The following PSMF1 variants were observed in gnomAD, a reference collection of about 807,000 sequenced individuals.
The protein encoded by PSMF1 is proteasome inhibitor subunit 1, also known as proteasome inhibitor PI31 subunit.
In PSMF1, 30 loss-of-function variants were observed where a neutral mutation model predicts 29.3. The observed-to-expected ratio is 1.02, with a 90% CI of 0.77 to 1.39. The LOEUF (loss-of-function observed/expected upper bound fraction) is 1.39. PSMF1 is among the 40% of genes most tolerant of loss of function. The pLI, the probability that PSMF1 is intolerant of heterozygous loss-of-function variation, is 0.00. For missense variants in PSMF1, 344 were observed against 357.5 expected, an observed-to-expected ratio of 0.96 and a Z score of 0.31; for synonymous variants, 134 against 139.7, an observed-to-expected ratio of 0.96 and a Z score of 0.29.
intron 2 of PSMF1, 171 bp downstream of exon 2, chr20:1,125,821 C>T (rs965233153): frequency 8.9e-6 from 8 of 901,602 alleles, no homozygotes; most frequent in Admixed American, 8.1e-5. Context: ...AGAAAACCTT[C>T]GTGCACAAAG....
At chr20:1,127,300 TTA>T (rs763211291) in intron 2 of PSMF1, 124 bp from the exon 3 acceptor site, 1 of 813,282 alleles carries the variant, frequency 1.2e-6, no homozygotes, top group Non-Finnish European at 2.2e-6. Context: ...TAAACAGTCC[TTA>T]TATATGTCTC....
upstream of PSMF1, among the ~76,000 whole-genome samples, chr20:1,115,135 G>A (rs1344460777): frequency 6.7e-5 from 8 of 118,796 alleles, no homozygotes; most frequent in Admixed American, 1.8e-4. Context: ...TGGGGGTGAC[G>A]GAGCTGTCTG....
At chr20:1,161,319 A>G in intron 4 of PSMF1, 1 of 321,710 alleles carries the variant, frequency 3.1e-6, no homozygotes, top group East Asian at 6.9e-5. Flanking sequence ...GGTGATCACC[A>G]TTGGCAACAT....
At chr20:1,128,555 A>G (rs1212521029) in intron 3 of PSMF1, among the ~76,000 whole-genome samples, 1 of 152,220 alleles carries the variant, frequency 6.6e-6, no homozygotes, top group East Asian at 1.9e-4. Flanking sequence ...ACTATGTTCC[A>G]CAAAAGATGT....
At chr20:1,136,012 G>A (rs1229660337) in intron 4 of PSMF1, among the ~76,000 whole-genome samples, 1 of 152,182 alleles carries the variant, frequency 6.6e-6, no homozygotes, top group Non-Finnish European at 1.5e-5. Flanking sequence ...ACATGAATAA[G>A]CACTTAATAA....
At chr20:1,129,480 T>A (rs923175765) in intron 3 of PSMF1, among the ~76,000 whole-genome samples, 2 of 152,202 alleles carry the variant, frequency 1.3e-5, no homozygotes, top group Non-Finnish European at 2.9e-5. Flanking sequence ...TCATTTCTCC[T>A]CCCCTCTTCC....
rs761218323 is a variant in PSMF1, at chr20:1,166,918, T to C, written c.*1838T>C. The C allele has an allele frequency of 2.0e-5, 3 of 152,192 alleles. No homozygotes were observed. The highest frequency in any genetic ancestry group is 4.4e-5 in the Non-Finnish European group (3 of 68,040). The allele number at this position is 152,192 out of a possible 1,614,324, so 9.4% of individuals were successfully genotyped here. On this transcript the variant is annotated 3_prime_UTR_variant, in exon 7 of 7. Coordinates refer to ENST00000335877, the MANE Select transcript of PSMF1 (RefSeq NM_006814.5). ...GACCATCAGATAGAAGCAGGGAAGG[T>C]AGATAACTTTTAGGACCTTGATGTG...
chr20:1,143,570 T>C (rs1035997389), intron 4 of PSMF1, among the ~76,000 whole-genome samples: 1 of 152,194 alleles, frequency 6.6e-6, no homozygotes, highest in African/African-American at 2.4e-5. Flanking sequence ...TCAGGCTTGG[T>C]GAAGAGTTCT....
intron 4 of PSMF1, among the ~76,000 whole-genome samples, chr20:1,148,430 T>C (rs1252830043): frequency 6.8e-6 from 1 of 146,150 alleles, no homozygotes; most frequent in African/African-American, 2.5e-5. Context: ...TCCTGCTCCA[T>C]GTTTTGTAAA....
intron 1 of PSMF1, among the ~76,000 whole-genome samples, chr20:1,124,767 A>G (rs1387585534): frequency 2.6e-5 from 4 of 152,276 alleles, no homozygotes; most frequent in Non-Finnish European, 4.4e-5. Flanking sequence ...ATCAAATAAA[A>G]AAGGCAAATG....
At chr20:1,133,256 C>T (rs1488905054) in intron 3 of PSMF1, among the ~76,000 whole-genome samples, 1 of 150,420 alleles carries the variant, frequency 6.6e-6, no homozygotes, top group Non-Finnish European at 1.5e-5. Flanking sequence ...AAGAAGTTCC[C>T]CTTTATTCTT....
At chr20:1,152,546 G>T (rs532535010) in intron 4 of PSMF1, among the ~76,000 whole-genome samples, 2 of 152,348 alleles carry the variant, frequency 1.3e-5, no homozygotes, top group African/African-American at 4.8e-5. Context: ...AAGATCAGGA[G>T]AATGGGAAGC....
chr20:1,160,443 T>C (rs2086651977), intron 4 of PSMF1: 1 of 169,968 alleles, frequency 5.9e-6, no homozygotes. Context: ...TAATTTAAAT[T>C]CTTTATTTAA....
At chr20:1,120,115 A>G (rs1217555721) in intron 1 of PSMF1, among the ~76,000 whole-genome samples, 2 of 152,094 alleles carry the variant, frequency 1.3e-5, no homozygotes, top group African/African-American at 4.8e-5. Context: ...GTCTCTTAGA[A>G]CTAAAGACCA....
rs1277729883 is a variant in PSMF1, at chr20:1,163,441, C to T, written c.605+258C>T. 6.6e-6 allele frequency among the ~76,000 whole-genome samples: 1 copy of T among 152,160 alleles called. No individual in the cohort carries two copies. Among genetic ancestry groups the T allele is most frequent in the Non-Finnish European group, 1.5e-5 (1 of 68,026 alleles). On this transcript the variant is annotated intron_variant, in intron 5 of 6. Transcript: ENST00000335877. This position sits in a 1 kb window ranked among gnomAD's most constrained non-coding sequence, Gnocchi z 6.1. ...TTCTGCCATTTCCCGGTCCCCCTGC[C>T]CACCCTAGTTTATCAGATGTATAGT...
intron 3 of PSMF1, among the ~76,000 whole-genome samples, chr20:1,129,960 G>T (rs2086207110): frequency 6.6e-6 from 1 of 152,214 alleles, no homozygotes; most frequent in Non-Finnish European, 1.5e-5. Flanking sequence ...ACAAAATTTG[G>T]TATGTAAATA....
chr20:1,117,196 G>C (rs2086019679), upstream of PSMF1, among the ~76,000 whole-genome samples: 1 of 152,210 alleles, frequency 6.6e-6, no homozygotes, highest in Non-Finnish European at 1.5e-5. Context: ...GAAGGAGACT[G>C]AATCAGAGAG....
intron 4 of PSMF1, among the ~76,000 whole-genome samples, chr20:1,141,675 G>T (rs573591402): frequency 2.6e-5 from 4 of 152,080 alleles, no homozygotes; most frequent in African/African-American, 7.2e-5. Flanking sequence ...GTTTTAGCCC[G>T]CACATTAAAA....
rs1212763041 is a variant in PSMF1, at chr20:1,169,071, G to C, written c.*3991G>C. On this transcript the variant is annotated 3_prime_UTR_variant, in exon 7 of 7. Transcript: ENST00000335877. Reference sequence around the variant, plus strand: ...CTAATCCCCAGATTGTAGCAATGATGATGTGATCCTGCTGCTCTCTGGACC... The same window carrying C: ...CTAATCCCCAGATTGTAGCAATGATCATGTGATCCTGCTGCTCTCTGGACC... 1.3e-5 allele frequency among the ~76,000 whole-genome samples: 2 copies of C among 152,158 alleles called. No homozygotes were observed. Among genetic ancestry groups the C allele is most frequent in the Admixed American group, 6.5e-5 (1 of 15,280 alleles).
Sources: gnomAD v4.1 joint callset for allele counts (sites outside exome capture counted in the v4.1 genomes callset) on GRCh38, gnomAD v4.1.1 for gene constraint, Gnocchi (gnomAD v3.1) non-coding constraint, MANE v1.5 for transcripts, NCBI Gene and HGNC (gene_info 2026-07-23, HGNC 2026-07-21) for gene names.